The following ARHGEF38 variants were observed in gnomAD, a reference collection of about 807,000 sequenced individuals.
The protein encoded by ARHGEF38 is Rho guanine nucleotide exchange factor 38.
In ARHGEF38, 79 loss-of-function variants were observed where a neutral mutation model predicts 79.9. That is an observed-to-expected ratio of 0.99 (90% CI 0.82 to 1.19). The LOEUF is 1.19. Ranked by LOEUF, ARHGEF38 falls within the 50% of genes most tolerant of loss-of-function variation. ARHGEF38 has a pLI of 0.00. For missense variants in ARHGEF38, 962 were observed against 907.2 expected (o/e 1.06, Z -0.78); for synonymous variants, 366 against 328.3 (o/e 1.11, Z -1.24).
chr4:105,682,554 G>A (rs1452331890), downstream of ARHGEF38: 1 of 546,804 alleles, frequency 1.8e-6, no homozygotes, highest in Non-Finnish European at 3.2e-6. Flanking sequence ...AAATGTTGAA[G>A]ATTGATTTAA....
chr4:105,677,682 G>C, intron 13 of ARHGEF38, 70 bp from the exon 14 acceptor site: 1 of 1,308,120 alleles, frequency 7.6e-7, no homozygotes, highest in Non-Finnish European at 9.9e-7. Context: ...TAAAAGCTTG[G>C]AAACTTTTAT....
chr4:105,593,040 A>G (rs1026544359), intron 2 of ARHGEF38, among the ~76,000 whole-genome samples: 2 of 152,188 alleles, frequency 1.3e-5, no homozygotes, highest in African/African-American at 2.4e-5. Flanking sequence ...CTACTATCTT[A>G]AAAACCAAAA....
At chr4:105,582,895 G>T (rs891963618) in intron 1 of ARHGEF38, among the ~76,000 whole-genome samples, 2 of 152,054 alleles carry the variant, frequency 1.3e-5, no homozygotes, top group African/African-American at 4.8e-5. Context: ...ACTATATAGT[G>T]CCCACTTTTA....
At chr4:105,640,579 G>A (rs947668535) in intron 5 of ARHGEF38, among the ~76,000 whole-genome samples, 25 of 151,998 alleles carry the variant, frequency 1.6e-4, no homozygotes, top group Non-Finnish European at 1.5e-5. Context: ...CCATCATCCT[G>A]GAGATTCTCT....
chr4:105,657,041 GATA>G (rs1453621794), intron 9 of ARHGEF38, among the ~76,000 whole-genome samples: 4 of 151,984 alleles, frequency 2.6e-5, no homozygotes. Context: ...TAGATAGATA[GATA>G]GATAGATGAT....
intron 3 of ARHGEF38, among the ~76,000 whole-genome samples, chr4:105,627,068 G>C (rs1728978479): frequency 6.6e-6 from 1 of 152,160 alleles, no homozygotes; most frequent in East Asian, 1.9e-4. Context: ...ATGGTAAACG[G>C]AAGTTCAGTC....
chr4:105,654,034 A>T, intron 7 of ARHGEF38, 31 bp from the exon 8 acceptor site: 2 of 1,251,686 alleles, frequency 1.6e-6, no homozygotes, highest in Non-Finnish European at 2.2e-6. Context: ...GTTTCATTTG[A>T]GTTATGAAAA....
intron 2 of ARHGEF38, among the ~76,000 whole-genome samples, chr4:105,591,550 C>T (rs1727341378): frequency 6.6e-6 from 1 of 152,084 alleles, no homozygotes; most frequent in Non-Finnish European, 1.5e-5. Context: ...TTTTAAAAAA[C>T]CATCTGGCCT....
At chr4:105,653,908 C>T (rs1351458590) in intron 7 of ARHGEF38, among the ~76,000 whole-genome samples, 157 bp from the exon 8 acceptor site, 2 of 152,156 alleles carry the variant, frequency 1.3e-5, no homozygotes, top group Non-Finnish European at 2.9e-5. Flanking sequence ...TATGTACCAA[C>T]AGAGAAAGTA....
At chr4:105,583,515 T>A (rs1352121061) in intron 1 of ARHGEF38, among the ~76,000 whole-genome samples, 1 of 152,192 alleles carries the variant, frequency 6.6e-6, no homozygotes, top group Non-Finnish European at 1.5e-5. Flanking sequence ...TCTGCATGAC[T>A]CTCTCACCTT....
chr4:105,559,175 T>G (rs185163230), intron 1 of ARHGEF38, among the ~76,000 whole-genome samples: 28 of 152,312 alleles, frequency 1.8e-4, no homozygotes, highest in African/African-American at 5.5e-4. Context: ...GCTAAATTTA[T>G]AAGCAGTATC....
Position 105,654,148 on chromosome 4 carries a change from A to C in ARHGEF38, c.1092A>C (p.Ser364=). The C allele has an allele frequency of 6.6e-7, 1 of 1,510,632 alleles. No homozygotes were observed. The highest frequency in any genetic ancestry group is 8.8e-7 in the Non-Finnish European group (1 of 1,129,984). The allele number at this position is 1,510,632 out of a possible 1,614,324, so 93.6% of individuals were successfully genotyped here. Residue 364 remains serine (S), a synonymous_variant, in exon 8 of 14, where the codon TCA becomes TCC. Transcript: ENST00000420470. The stretch of plus-strand genomic sequence containing the variant: ...TGAGGCTTTGTGTGAAGAACATTTC[A>C]CTCTGTCTTCAACACATACAGGTAG... ...KTVRLCVKNI[S]LCLQHIQDAM...
intron 3 of ARHGEF38, among the ~76,000 whole-genome samples, chr4:105,623,291 C>T (rs1443331753): frequency 2.0e-5 from 3 of 152,168 alleles, no homozygotes; most frequent in African/African-American, 4.8e-5. Flanking sequence ...TTGTTACTGT[C>T]GTCACTGAGT....
chr4:105,595,077 C>A (rs925132269), intron 2 of ARHGEF38, among the ~76,000 whole-genome samples: 1 of 152,030 alleles, frequency 6.6e-6, no homozygotes, highest in Non-Finnish European at 1.5e-5. Context: ...TTTTATTTTT[C>A]TTTGTTTTTT....
At position 105,668,189 on chromosome 4, in the gene ARHGEF38, C is replaced by CT. The variant is rs534436395; in HGVS notation, c.2148+496dup. Reference sequence around the variant, plus strand: ...ATATATGGAAACTTTTTCTTTTTTTCTTTTTTTTTTGAGATGGAGTCTCAC... The same window carrying CT: ...ATATATGGAAACTTTTTCTTTTTTTCTTTTTTTTTTTGAGATGGAGTCTCAC... On this transcript the variant is annotated intron_variant, in intron 13 of 13. Transcript: ENST00000420470. Among the ~76,000 whole-genome samples the CT allele has an allele frequency of 8.1e-3, 1,205 of 147,892 alleles. 16 individuals are homozygous for CT. The highest frequency in any genetic ancestry group is 0.026 in the African/African-American group (1,054 of 40,392).
chr4:105,634,683 T>C (rs1450824171), intron 4 of ARHGEF38, among the ~76,000 whole-genome samples: 5 of 151,296 alleles, frequency 3.3e-5, no homozygotes, highest in Non-Finnish European at 1.5e-5. Flanking sequence ...CCCAGAGATC[T>C]GTTTATTTTG....
chr4:105,679,507 G>C lies in ARHGEF38; in HGVS notation c.*1570G>C. ...TTATCAGAGTTGATTAAAGATCATG[G>C]TTCAAAGCTTGATACACCAGAAATG... On this transcript the variant is annotated 3_prime_UTR_variant, in exon 14 of 14. Coordinates refer to ENST00000420470, the MANE Select transcript of ARHGEF38 (RefSeq NM_001242729.2). 1 of 1,456,638 alleles carries C rather than the reference G, an allele frequency of 6.9e-7. No homozygotes were observed. The highest frequency in any genetic ancestry group is 9.6e-7 in the Non-Finnish European group (1 of 1,039,276). The allele number at this position is 1,456,638 out of a possible 1,614,324, so 90.2% of individuals were successfully genotyped here. A position where few individuals can be genotyped will look rare whatever the true frequency, so the allele number is the denominator to read the frequency against.
At chr4:105,583,035 C>T (rs1726871738) in intron 1 of ARHGEF38, among the ~76,000 whole-genome samples, 1 of 152,076 alleles carries the variant, frequency 6.6e-6, no homozygotes, top group African/African-American at 2.4e-5. Context: ...CTATAAATGG[C>T]ATATAGTTGT....
chr4:105,621,581 T>G (rs1010839242), intron 3 of ARHGEF38, among the ~76,000 whole-genome samples: 1 of 152,226 alleles, frequency 6.6e-6, no homozygotes, highest in African/African-American at 2.4e-5. Flanking sequence ...TTTGTTTTCC[T>G]AAAGCAATGT....
Sources: gnomAD v4.1 joint callset for allele counts (sites outside exome capture counted in the v4.1 genomes callset) on GRCh38, gnomAD v4.1.1 for gene constraint, MANE v1.5 for transcripts, NCBI Gene and HGNC (gene_info 2026-07-23, HGNC 2026-07-21) for gene names.